The following MYH10 variants were observed in gnomAD, a reference collection of about 807,000 sequenced individuals.
MYH10 encodes the protein myosin heavy chain 10.
Under a neutral mutation model 257.8 loss-of-function variants are expected in MYH10, and 55 were observed. That is an observed-to-expected ratio of 0.21 (90% confidence interval 0.17 to 0.27). MYH10 has a LOEUF of 0.27. Ranked by LOEUF, MYH10 falls within the 10% of genes least tolerant of loss-of-function variation. MYH10 has a pLI of 1.00. For missense variants in MYH10, 1,631 were observed against 2,500.6 expected (o/e 0.65, Z 7.42); for synonymous variants, 854 against 921.7 (o/e 0.93, Z 1.33).
rs979165971 is a variant in MYH10 at position 8,545,743 on chromosome 17, T to G, written c.1279-143A>C. On this transcript the variant is annotated intron_variant, in intron 12 of 42. Transcript: ENST00000360416. The surrounding 1 kb of genome is among the most constrained non-coding windows in gnomAD (Gnocchi z 4.7). ...CTTAATCATGTCTCAATTTTACACA[T>G]CAATAGAAGGCAATATTAGAAGAAT... is the stretch of plus-strand genomic sequence containing the variant. The G allele has an allele frequency of 1.3e-6, 1 of 757,130 alleles. No homozygotes were observed. Among genetic ancestry groups the G allele is most frequent in the African/African-American group, 1.8e-5 (1 of 56,584 alleles). The allele number at this position is 757,130 out of a possible 1,614,324, so 46.9% of individuals were successfully genotyped here.
intron 35 of MYH10, among the ~76,000 whole-genome samples, chr17:8,488,777 G>A (rs1915287961): frequency 6.6e-6 from 1 of 152,080 alleles, no homozygotes; most frequent in South Asian, 2.1e-4. Flanking sequence ...TCCGCATAGG[G>A]CAGAGGTGCT....
Position 8,552,079 on chromosome 17 carries a change from G to A in MYH10, c.886C>T (p.Gln296Ter). 6.4e-7 allele frequency: 1 copy of A among 1,559,656 alleles called. No homozygotes were observed. The highest frequency in any genetic ancestry group is 1.3e-5 in the South Asian group (1 of 79,988). ...KDERTFHIFYQLLSGAGEHLK... is the reference protein window; with the variant it reads ...KDERTFHIFY ...TGTTCTCCTGCTCCAGATAACAACT[G>A]GTAAAAGATATGAAAAGTACGTTCA... The change falls in exon 9 of 43, where the codon CAG (glutamine) becomes TAG (stop). Residue 296 changes from glutamine to a stop codon, truncating the protein, a stop_gained. Transcript: ENST00000360416. LOFTEE classifies it high-confidence loss of function. This position sits in a 1 kb window ranked among gnomAD's most constrained non-coding sequence, Gnocchi z 4.8.
chr17:8,577,238 GAAT>G lies in MYH10; in HGVS notation c.628_630del (p.Ile210del), dbSNP rs2083531668. 1 of 1,599,680 alleles carries G rather than the reference GAAT, an allele frequency of 6.3e-7. No homozygotes were observed. The highest frequency in any genetic ancestry group is 1.3e-5 in the African/African-American group (1 of 74,460). ...AAAACAACAGAGCAGAAACTTACAG[GAAT>G]ATTATGGTCCTTTCTTCCTTTATGT... On this transcript the variant is annotated inframe_deletion, in exon 5 of 43. Transcript: ENST00000360416.
At chr17:8,486,543 C>CAAAAAAAAAAA (rs67844660) in intron 36 of MYH10, among the ~76,000 whole-genome samples, 1 of 120,766 alleles carries the variant, frequency 8.3e-6, no homozygotes, top group African/African-American at 3.4e-5. Context: ...TATTTAGCTT[C>CAAAAAAAAAAA]AAAAAAAAAA....
rs970689763 is a variant in MYH10, at chr17:8,476,818, A to C, written c.5879+58T>G. On this transcript the variant is annotated intron_variant, in intron 42 of 42. Transcript: ENST00000360416. Reference sequence around the variant, plus strand: ...ACTTCCTCTGACCAGCTGCACCCCGAGCCTAAGCTAACCCACAAAGCAGCT... The same window carrying C: ...ACTTCCTCTGACCAGCTGCACCCCGCGCCTAAGCTAACCCACAAAGCAGCT... 13 of 1,559,750 alleles carry C rather than the reference A, an allele frequency of 8.3e-6. No homozygotes were observed. The Admixed American group carries it at 1.4e-4, about 17-fold the overall frequency.
At chr17:8,496,601 T>G (rs1245922842) in intron 30 of MYH10, among the ~76,000 whole-genome samples, 2 of 152,124 alleles carry the variant, frequency 1.3e-5, no homozygotes, top group Non-Finnish European at 2.9e-5. Context: ...GTCACTCCCC[T>G]CCCTTCCCCG....
At chr17:8,602,897 A>T (rs759997268) in intron 3 of MYH10, among the ~76,000 whole-genome samples, 1 of 152,242 alleles carries the variant, frequency 6.6e-6, no homozygotes, top group African/African-American at 2.4e-5. Flanking sequence ...AGTGCTTGAC[A>T]CACAGTAATT....
At chr17:8,611,918 A>C (rs1170216507) in intron 2 of MYH10, among the ~76,000 whole-genome samples, 1 of 152,244 alleles carries the variant, frequency 6.6e-6, no homozygotes, top group Non-Finnish European at 1.5e-5. Context: ...TACAATCTCC[A>C]AGCTGAATGC....
chr17:8,597,988 T>G (rs2084444538), intron 3 of MYH10, among the ~76,000 whole-genome samples: 1 of 151,686 alleles, frequency 6.6e-6, no homozygotes, highest in African/African-American at 2.4e-5. Flanking sequence ...AGATTTGGTT[T>G]GTTTGTTTTT....
chr17:8,596,659 T>TAGGAGGGAGGGGGAGG (rs2084383061), intron 3 of MYH10, among the ~76,000 whole-genome samples: 2 of 42,498 alleles, frequency 4.7e-5, no homozygotes, highest in African/African-American at 1.9e-4. Flanking sequence ...GGAGGGGGAG[T>TAGGAGGGAGGGGGAGG]AGGAGGGAGG....
intron 7 of MYH10, among the ~76,000 whole-genome samples, chr17:8,564,466 C>T (rs1370074807): frequency 6.6e-6 from 1 of 152,208 alleles, no homozygotes; most frequent in Non-Finnish European, 1.5e-5. Flanking sequence ...TGTTCTCTAC[C>T]CTTGCTTCTA....
chr17:8,623,411 C>T (rs1421735474), intron 1 of MYH10, 134 bp from the exon 2 acceptor site: 14 of 744,160 alleles, frequency 1.9e-5, no homozygotes, highest in Non-Finnish European at 2.7e-5. Context: ...TACCTCTTCA[C>T]AGCCATACTA....
chr17:8,629,890 C>T (rs559084056), intron 1 of MYH10, among the ~76,000 whole-genome samples: 3 of 151,958 alleles, frequency 2.0e-5, no homozygotes, highest in East Asian at 2.0e-4. Flanking sequence ...CGCTCCTTCC[C>T]CGGCGCCGGC....
chr17:8,512,212 G>GT (rs2081319550), intron 24 of MYH10, among the ~76,000 whole-genome samples: 1 of 152,210 alleles, frequency 6.6e-6, no homozygotes, highest in Non-Finnish European at 1.5e-5. Flanking sequence ...TTTGCAAACT[G>GT]TAAGATGCCA....
In MYH10 at chr17:8,476,916, C is replaced by T; in HGVS notation, c.5839G>A (p.Gly1947Ser). 6.2e-7 allele frequency: 1 copy of T among 1,612,866 alleles called. No individual in the cohort carries two copies. Among genetic ancestry groups the T allele is most frequent in the Non-Finnish European group, 8.5e-7 (1 of 1,180,022 alleles). The stretch of plus-strand genomic sequence containing the variant: ...AGGGTGCTGACCTCGCGGCTCAGGC[C>T]CTCGTTGGCCTCGGTGGCATCATCC... ...ELDDATEANE[G>S]LSREVSTLKN... is the part of the protein sequence containing the mutation. The change falls in exon 42 of 43, where the codon GGC (glycine) becomes AGC (serine). Residue 1947 changes from glycine (G) to serine (S), a missense_variant. This residue lies in a region of MYH10 where 343 missense variants were observed against 389.5 expected (regional missense o/e 0.88). Transcript: ENST00000360416.
At chr17:8,514,298 CT>C (rs1597707565) in intron 21 of MYH10, among the ~76,000 whole-genome samples, 1 of 152,302 alleles carries the variant, frequency 6.6e-6, no homozygotes, top group East Asian at 1.9e-4. Flanking sequence ...TCTCGTTTTC[CT>C]TTTGATATGT....
intron 1 of MYH10, among the ~76,000 whole-genome samples, chr17:8,629,436 G>A (rs1430402335): frequency 5.4e-5 from 8 of 148,612 alleles, no homozygotes; most frequent in Admixed American, 6.9e-5. Flanking sequence ...TGTAGGCAGA[G>A]GCCACGTTAT....
intron 17 of MYH10, among the ~76,000 whole-genome samples, chr17:8,523,689 C>A (rs1304858316): frequency 6.6e-6 from 1 of 152,106 alleles, no homozygotes; most frequent in Admixed American, 6.5e-5. Flanking sequence ...GACAGGTGAC[C>A]CTTCCAGGAG....
intron 28 of MYH10, among the ~76,000 whole-genome samples, chr17:8,503,859 AG>A (rs1161102410): frequency 6.6e-6 from 1 of 152,004 alleles, no homozygotes; most frequent in Non-Finnish European, 1.5e-5. Flanking sequence ...CCAAGGCACG[AG>A]GGTTCCCTTC....
Sources: allele counts gnomAD v4.1 joint callset (sites outside exome capture counted in the v4.1 genomes callset), GRCh38; gene constraint gnomAD v4.1.1; regional missense constraint gnomAD v4.1.1; non-coding constraint Gnocchi (gnomAD v3.1); transcripts MANE v1.5; gene names NCBI Gene and HGNC (gene_info 2026-07-23, HGNC 2026-07-21).